CDH18: variants seen among roughly 807,000 people sequenced by gnomAD.
CDH18 encodes cadherin 18.
In CDH18, 31 loss-of-function variants were observed where a neutral mutation model predicts 67.9. That is an observed-to-expected ratio of 0.46 (90% CI 0.34 to 0.62). The LOEUF is 0.62. CDH18 is among the 20% of genes least tolerant of loss of function. CDH18 has a pLI of 0.01. For synonymous variants in CDH18, 362 were observed against 347.2 expected (o/e 1.04, Z -0.48); for missense variants, 890 against 975.5 (o/e 0.91, Z 1.17).
intron 6 of CDH18, among the ~76,000 whole-genome samples, chr5:19,610,663 T>C (rs1471579298): frequency 6.6e-6 from 1 of 152,114 alleles, no homozygotes; most frequent in Non-Finnish European, 1.5e-5. Context: ...GTTGGTATCC[T>C]AAATTATAAT....
chr5:20,239,961 G>T (rs1330734182), intron 2 of CDH18, among the ~76,000 whole-genome samples: 1 of 151,660 alleles, frequency 6.6e-6, no homozygotes, highest in African/African-American at 2.4e-5. Context: ...TTTACTAAGT[G>T]AATTACACTA....
At chr5:19,637,658 T>C (rs1241785401) in intron 5 of CDH18, among the ~76,000 whole-genome samples, 1 of 152,172 alleles carries the variant, frequency 6.6e-6, no homozygotes, top group Non-Finnish European at 1.5e-5. Flanking sequence ...CTCACTGGGT[T>C]CCTCGTCACC....
At chr5:19,593,710 T>TC (rs1561425870) in intron 6 of CDH18, among the ~76,000 whole-genome samples, 33 of 8,724 alleles carry the variant, frequency 3.8e-3, no homozygotes, top group African/African-American at 0.019. Context: ...TCCTCCTCCT[T>TC]CTTCTTCTTC....
chr5:20,254,803 C>A (rs537493482), intron 2 of CDH18, among the ~76,000 whole-genome samples: 2 of 152,168 alleles, frequency 1.3e-5, no homozygotes, highest in East Asian at 3.9e-4. Context: ...TACCAAAAGA[C>A]ACATGCACTT....
chr5:19,639,001 T>TTGTTTTTTTTTTTTTTTTTTTTTTTTTG (rs1554066474), intron 5 of CDH18, among the ~76,000 whole-genome samples: 3 of 88,136 alleles, frequency 3.4e-5, no homozygotes, highest in Non-Finnish European at 4.8e-5. Context: ...TTTTTTTTTT[T>TTGTTTTTTTTTTTTTTTTTTTTTTTTTG]TTTGTTTGTT....
At chr5:19,770,616 A>G (rs1416499036) in intron 3 of CDH18, among the ~76,000 whole-genome samples, 1 of 64,312 alleles carries the variant, frequency 1.6e-5, no homozygotes, top group African/African-American at 2.6e-5. Flanking sequence ...CATGCCAAAA[A>G]AAAAGGAAAA....
At chr5:19,589,351 T>C (rs915379960) in intron 7 of CDH18, among the ~76,000 whole-genome samples, 1 of 152,154 alleles carries the variant, frequency 6.6e-6, no homozygotes. Flanking sequence ...CCTCCAAGAT[T>C]ATATTTCCTC....
chr5:20,039,746 A>G (rs546441099), intron 2 of CDH18, among the ~76,000 whole-genome samples: 57 of 152,204 alleles, frequency 3.7e-4, no homozygotes, highest in Non-Finnish European at 7.1e-4. Flanking sequence ...TAAAAACCCT[A>G]GAAGAAAACC....
intron 1 of CDH18, among the ~76,000 whole-genome samples, chr5:20,556,019 A>G (rs1035556125): frequency 6.6e-6 from 1 of 152,128 alleles, no homozygotes; most frequent in African/African-American, 2.4e-5. Context: ...GAGAGTCACC[A>G]TATCTCTTTT....
At chr5:20,572,723 G>A (rs958943358) in intron 1 of CDH18, among the ~76,000 whole-genome samples, 2 of 152,146 alleles carry the variant, frequency 1.3e-5, no homozygotes, top group Non-Finnish European at 2.9e-5. Flanking sequence ...TAATGGCTCA[G>A]ATATCTATAA....
Position 19,477,129 on chromosome 5 carries a change from G to GAT in CDH18, c.1883-3415_1883-3414dup, listed in dbSNP as rs567360950. Among the ~76,000 whole-genome samples, 543 of 146,970 alleles carry GAT rather than the reference G, an allele frequency of 3.7e-3. 3 individuals are homozygous for GAT. Among genetic ancestry groups the GAT allele is most frequent in the South Asian group, 0.013 (63 of 4,700 alleles). On this transcript the variant is annotated intron_variant, in intron 12 of 12. Coordinates refer to ENST00000382275, the MANE Select transcript of CDH18 (RefSeq NM_004934.5). Reference sequence around the variant, plus strand: ...GTTACATACTTATTTAATAAAAGGAGATATATATATATATTTATATATATA... The same window carrying GAT: ...GTTACATACTTATTTAATAAAAGGAGATATATATATATATATTTATATATATA...
intron 9 of CDH18, among the ~76,000 whole-genome samples, chr5:19,522,004 T>G (rs1430191212): frequency 6.6e-6 from 1 of 152,078 alleles, no homozygotes; most frequent in Non-Finnish European, 1.5e-5. Context: ...AACAAAATAA[T>G]AGTAAACACA....
chr5:20,404,867 C>T (rs1746090390), intron 1 of CDH18, among the ~76,000 whole-genome samples: 1 of 152,068 alleles, frequency 6.6e-6, no homozygotes, highest in Non-Finnish European at 1.5e-5. Context: ...AGTAAAATCA[C>T]AATAAATAGT....
At chr5:19,793,874 T>G (rs1292860979) in intron 3 of CDH18, among the ~76,000 whole-genome samples, 1 of 152,012 alleles carries the variant, frequency 6.6e-6, no homozygotes, top group Non-Finnish European at 1.5e-5. Context: ...AAGAGAAGGA[T>G]TAGATAAACT....
intron 3 of CDH18, among the ~76,000 whole-genome samples, chr5:19,820,866 A>G (rs1779798971): frequency 6.6e-6 from 1 of 152,176 alleles, no homozygotes; most frequent in Non-Finnish European, 1.5e-5. Context: ...TAAAAGCACA[A>G]AGAAACACAA....
intron 12 of CDH18, among the ~76,000 whole-genome samples, chr5:19,482,879 C>T (rs1410091143): frequency 1.3e-5 from 2 of 152,072 alleles, no homozygotes; most frequent in Non-Finnish European, 2.9e-5. Flanking sequence ...CACCCTAAGG[C>T]CATATGACCC....
chr5:19,942,848 C>T (rs892881161), intron 2 of CDH18, among the ~76,000 whole-genome samples: 5 of 152,118 alleles, frequency 3.3e-5, no homozygotes, highest in Non-Finnish European at 5.9e-5. Flanking sequence ...CAGCAGCAGT[C>T]GAGGAAGCAG....
intron 2 of CDH18, among the ~76,000 whole-genome samples, chr5:20,068,738 T>A (rs563077984): frequency 3.9e-5 from 6 of 152,266 alleles, no homozygotes; most frequent in Admixed American, 2.6e-4. Context: ...CAGTTGTTGA[T>A]AACCAAATTA....
At chr5:19,900,081 T>C (rs1789776091) in intron 2 of CDH18, among the ~76,000 whole-genome samples, 1 of 152,172 alleles carries the variant, frequency 6.6e-6, no homozygotes, top group East Asian at 1.9e-4. Context: ...GGTAGAATTA[T>C]GTAGTCATAC....
Sources: allele counts gnomAD v4.1 joint callset (sites outside exome capture counted in the v4.1 genomes callset), GRCh38; gene constraint gnomAD v4.1.1; transcripts MANE v1.5; gene names NCBI Gene and HGNC (gene_info 2026-07-23, HGNC 2026-07-21).